Variants in BAIAP2 observed in about 807,000 individuals in gnomAD.
BAIAP2 encodes BAR/IMD domain containing adaptor protein 2.
A neutral mutation model predicts 63.0 loss-of-function variants in BAIAP2; 18 were observed. The observed-to-expected ratio is 0.29, with a 90% CI of 0.20 to 0.42. The LOEUF (loss-of-function observed/expected upper bound fraction) is 0.42. BAIAP2 is among the 10% of genes least tolerant of loss of function. The probability of loss-of-function intolerance (pLI) is 1.00; values close to 1 mark genes in which losing one functional copy is unlikely to be tolerated. For missense variants in BAIAP2, 610 were observed against 734.3 expected, an observed-to-expected ratio of 0.83 and a Z score of 1.96; for synonymous variants, 386 against 307.6, an observed-to-expected ratio of 1.25 and a Z score of -2.67.
At chr17:81,037,654 G>T (rs942544888) in intron 1 of BAIAP2, among the ~76,000 whole-genome samples, 1 of 152,238 alleles carries the variant, frequency 6.6e-6, no homozygotes, top group Non-Finnish European at 1.5e-5. Context: ...ATCCCTTCCC[G>T]GGGCCGCTCC....
chr17:81,108,854 T>C (rs2059509953), intron 13 of BAIAP2: 2 of 1,445,848 alleles, frequency 1.4e-6, no homozygotes, highest in Non-Finnish European at 1.8e-6. Flanking sequence ...TCCTGGAGGG[T>C]CAGGAGGCCA....
At chr17:81,100,132 A>G (rs368844342) in intron 7 of BAIAP2, 52 bp downstream of exon 7, 1 of 1,564,810 alleles carries the variant, frequency 6.4e-7, no homozygotes. Context: ...GCTGGCAGAA[A>G]TGACCCAGGC....
intron 3 of BAIAP2, among the ~76,000 whole-genome samples, chr17:81,070,153 C>T (rs1322708783): frequency 1.3e-5 from 2 of 152,144 alleles, no homozygotes; most frequent in Non-Finnish European, 2.9e-5. Context: ...GAGACAAGAG[C>T]TTGCTTTGTT....
intron 6 of BAIAP2, among the ~76,000 whole-genome samples, chr17:81,094,105 G>C (rs904806347): frequency 1.3e-5 from 2 of 152,186 alleles, no homozygotes; most frequent in Non-Finnish European, 2.9e-5. Context: ...CCCGGGGCCA[G>C]GGCAGCCAGG....
chr17:81,098,093 A>T, intron 6 of BAIAP2: 1 of 1,349,082 alleles, frequency 7.4e-7, no homozygotes, highest in Non-Finnish European at 9.6e-7. Context: ...GGGGTCATGG[A>T]GGGGCCAGCG....
At chr17:81,095,628 G>A (rs757717897) in intron 6 of BAIAP2, among the ~76,000 whole-genome samples, 1 of 152,132 alleles carries the variant, frequency 6.6e-6, no homozygotes, top group Non-Finnish European at 1.5e-5. Flanking sequence ...AAGGCAGGAG[G>A]TGTCAGCTCC....
intron 3 of BAIAP2, among the ~76,000 whole-genome samples, chr17:81,064,110 G>A (rs2051055544): frequency 6.6e-6 from 1 of 152,262 alleles, no homozygotes; most frequent in Non-Finnish European, 1.5e-5. Context: ...AGGGTTGCCA[G>A]GCAAGCAGTG....
At chr17:81,078,954 G>A (rs1207357340) in intron 3 of BAIAP2, among the ~76,000 whole-genome samples, 1 of 152,118 alleles carries the variant, frequency 6.6e-6, no homozygotes, top group African/African-American at 2.4e-5. Context: ...GCTGGTTGGG[G>A]TAAGACCTGG....
intron 6 of BAIAP2, among the ~76,000 whole-genome samples, chr17:81,098,820 G>A (rs1016822352): frequency 7.9e-5 from 12 of 152,228 alleles, no homozygotes; most frequent in African/African-American, 2.2e-4. Context: ...GCGGCTGACC[G>A]CCGGGTCAGG....
intron 1 of BAIAP2, 23 bp from the exon 2 acceptor site, chr17:81,053,645 G>C: frequency 6.2e-7 from 1 of 1,613,908 alleles, no homozygotes; most frequent in Non-Finnish European, 8.5e-7. Context: ...CAGTAATGCT[G>C]TTTCTTCTCT....
chr17:81,067,422 T>C (rs1339935082), intron 3 of BAIAP2, among the ~76,000 whole-genome samples: 1 of 152,188 alleles, frequency 6.6e-6, no homozygotes, highest in Non-Finnish European at 1.5e-5. Flanking sequence ...GAGGGCCTTG[T>C]TCCCCTCTGG....
chr17:81,074,512 G>A lies in BAIAP2; in HGVS notation c.218-10320G>A, dbSNP rs549894935. On this transcript the variant is annotated intron_variant, in intron 3 of 13. Coordinates refer to ENST00000428708, the MANE Select transcript of BAIAP2 (RefSeq NM_001144888.2). ...TGCCTGTGTCTGTGCGTGCATGGAT[G>A]CGTACGAGTTGCCTGTGTGTGTGCA... Among the ~76,000 whole-genome samples the A allele has an allele frequency of 4.1e-3, 622 of 151,574 alleles. 5 individuals carry two copies. The highest frequency in any genetic ancestry group is 0.013 in the African/African-American group (534 of 41,284).
At chr17:81,098,102 CG>C in intron 6 of BAIAP2, 38 of 1,364,642 alleles carry the variant, frequency 2.8e-5, no homozygotes, top group Admixed American at 1.4e-4. Context: ...GAGGGGCCAG[CG>C]GGGGGTGGGG....
rs1160610502 is a variant in BAIAP2, at chr17:81,035,318, C to T, written c.54+10C>T. 5 of 1,432,616 alleles carry T rather than the reference C, an allele frequency of 3.5e-6. No individual in the cohort carries two copies. The highest frequency in any genetic ancestry group is 1.5e-5 in the African/African-American group (1 of 67,438). 88.7% of individuals were successfully genotyped at this position (1,432,616 alleles called of 1,614,324 possible). A position where few individuals can be genotyped will look rare whatever the true frequency, so the allele number is the denominator to read the frequency against. On this transcript the variant is annotated intron_variant, in intron 1 of 13. Coordinates refer to ENST00000428708, the MANE Select transcript of BAIAP2 (RefSeq NM_001144888.2). ...GGAAAATGTCTATAAGGTGAGCGCC[C>T]CCCGGCGCCGAGCTGAGCCCGCTCC...
intron 3 of BAIAP2, among the ~76,000 whole-genome samples, chr17:81,066,120 T>C (rs1009784868): frequency 6.6e-6 from 1 of 152,240 alleles, no homozygotes; most frequent in African/African-American, 2.4e-5. Flanking sequence ...GCTCAGCCCT[T>C]TCCCATCTCT....
intron 3 of BAIAP2, among the ~76,000 whole-genome samples, chr17:81,079,462 CTG>C (rs774935120): frequency 6.1e-4 from 93 of 152,248 alleles, no homozygotes; most frequent in African/African-American, 1.1e-3. Context: ...TTCAGGATGA[CTG>C]TGTAGACACA....
At position 81,117,190 on chromosome 17, in the gene BAIAP2, G is replaced by A. The variant is rs776310556; in HGVS notation, c.*1351G>A. ...GGACAGTGGGGAGGAGAGGAGAGGGGCAGCTTCCTCCTGGCCCCAGGAAGG... is the reference window on the plus strand; with the variant it reads ...GGACAGTGGGGAGGAGAGGAGAGGGACAGCTTCCTCCTGGCCCCAGGAAGG... On this transcript the variant is annotated 3_prime_UTR_variant, in exon 14 of 14. Coordinates refer to ENST00000428708, the MANE Select transcript of BAIAP2 (RefSeq NM_001144888.2). The A allele has an allele frequency of 6.6e-6, 1 of 152,258 alleles. No individual in the cohort carries two copies. Among genetic ancestry groups the A allele is most frequent in the Non-Finnish European group, 1.5e-5 (1 of 68,082 alleles). 9.4% of individuals were successfully genotyped at this position (152,258 alleles called of 1,614,324 possible). A position where few individuals can be genotyped will look rare whatever the true frequency, so the allele number is the denominator to read the frequency against.
At chr17:81,087,954 C>T (rs1396735348) in intron 6 of BAIAP2, 4 of 152,132 alleles carry the variant, frequency 2.6e-5, no homozygotes, top group Non-Finnish European at 4.4e-5. Flanking sequence ...GTATTCCTGC[C>T]TGAGGCTGCT....
Position 81,089,001 on chromosome 17 carries a change from A to G in BAIAP2, c.489+2421A>G, listed in dbSNP as rs554183616. Reference sequence around the variant, plus strand: ...CTGGTTTTCAGGTGCCCTGCCTCCCACTGCCAGGCCTCTTCAGGAGGGCCC... The same window carrying G: ...CTGGTTTTCAGGTGCCCTGCCTCCCGCTGCCAGGCCTCTTCAGGAGGGCCC... On this transcript the variant is annotated intron_variant, in intron 6 of 13. Transcript: ENST00000428708. 7.0e-4 allele frequency among the ~76,000 whole-genome samples: 107 copies of G among 152,250 alleles called. 1 individual carries two copies. In the South Asian group the frequency reaches 0.02, roughly 29 times the overall value.
Sources: gnomAD v4.1 joint callset for allele counts (sites outside exome capture counted in the v4.1 genomes callset) on GRCh38, gnomAD v4.1.1 for gene constraint, MANE v1.5 for transcripts, NCBI Gene and HGNC (gene_info 2026-07-23, HGNC 2026-07-21) for gene names.